TPD52: variants seen among roughly 807,000 people sequenced by gnomAD.
The protein encoded by TPD52 is prostate and colon associated protein.
Under a neutral mutation model 31.3 loss-of-function variants are expected in TPD52, and 17 were observed. The observed-to-expected ratio is 0.54, with a 90% confidence interval of 0.37 to 0.82. TPD52 has a LOEUF of 0.82. Among genes scored for constraint, TPD52 ranks in the 40% least tolerant of loss-of-function variants. The probability of loss-of-function intolerance (pLI) is 0.00; values close to 1 mark genes in which losing one functional copy is unlikely to be tolerated. For synonymous variants in TPD52, 83 were observed against 89.6 expected (o/e 0.93, Z 0.42); for missense variants, 212 against 240.1 (o/e 0.88, Z 0.77).
intron 1 of TPD52, among the ~76,000 whole-genome samples, chr8:80,140,383 A>G (rs943639875): frequency 6.6e-6 from 1 of 152,212 alleles, no homozygotes; most frequent in African/African-American, 2.4e-5. Context: ...TAGAACCGGA[A>G]CCACTGGGAA....
chr8:80,033,986 C>A (rs1455160573), downstream of TPD52, among the ~76,000 whole-genome samples: 1 of 152,060 alleles, frequency 6.6e-6, no homozygotes, highest in Non-Finnish European at 1.5e-5. Flanking sequence ...AGGGACCCAC[C>A]CCTTCCCTCC....
At chr8:80,056,696 A>C (rs1268936669) in intron 2 of TPD52, among the ~76,000 whole-genome samples, 1 of 152,184 alleles carries the variant, frequency 6.6e-6, no homozygotes, top group Non-Finnish European at 1.5e-5. Flanking sequence ...ATTAAAAAAA[A>C]CAGAGATTAA....
At chr8:80,039,450 C>T (rs1440949237) in intron 7 of TPD52, among the ~76,000 whole-genome samples, 13 of 151,914 alleles carry the variant, frequency 8.6e-5, no homozygotes, top group Admixed American at 8.5e-4. Flanking sequence ...CTTCTCACTT[C>T]TAAATAGCTC....
chr8:80,149,495 G>A (rs1810430022), intron 1 of TPD52, among the ~76,000 whole-genome samples: 1 of 152,202 alleles, frequency 6.6e-6, no homozygotes, highest in Non-Finnish European at 1.5e-5. Flanking sequence ...CTGGTATAGT[G>A]AGGTGCTGCT....
At chr8:80,119,137 T>A (rs1808067535) in intron 1 of TPD52, among the ~76,000 whole-genome samples, 1 of 152,166 alleles carries the variant, frequency 6.6e-6, no homozygotes, top group African/African-American at 2.4e-5. Context: ...CCTGAAAACA[T>A]CATGTGACGT....
chr8:80,060,147 A>C (rs186050331), intron 2 of TPD52, among the ~76,000 whole-genome samples: 297 of 149,048 alleles, frequency 2.0e-3, no homozygotes, highest in African/African-American at 6.6e-3. Context: ...GACTGACCGA[A>C]AAAAAAAAAA....
intron 1 of TPD52, among the ~76,000 whole-genome samples, chr8:80,135,597 G>A (rs7840743): frequency 0.4 from 58,416 of 145,244 alleles, 10,918 homozygotes; most frequent in East Asian, 0.75. Flanking sequence ...ATCTAGAACT[G>A]GAAATACCAT....
intron 7 of TPD52, chr8:80,042,109 A>G: frequency 3.3e-6 from 3 of 904,194 alleles, no homozygotes; most frequent in Non-Finnish European, 4.0e-6. Context: ...AAAGTAATAT[A>G]CAAGCAGCCA....
chr8:80,167,611 A>C (rs1811801574), intron 1 of TPD52, among the ~76,000 whole-genome samples: 1 of 152,208 alleles, frequency 6.6e-6, no homozygotes, highest in Admixed American at 6.5e-5. Flanking sequence ...TTGGGAGTAG[A>C]CCCTCAAAAT....
At chr8:80,099,916 A>T (rs1806613058) in intron 1 of TPD52, among the ~76,000 whole-genome samples, 1 of 152,214 alleles carries the variant, frequency 6.6e-6, no homozygotes, top group South Asian at 2.1e-4. Context: ...TTTCTTGGCA[A>T]ATATTTGGTG....
At chr8:80,106,266 CTTAG>C (rs1205704276) in intron 1 of TPD52, among the ~76,000 whole-genome samples, 1 of 152,142 alleles carries the variant, frequency 6.6e-6, no homozygotes, top group Non-Finnish European at 1.5e-5. Context: ...CAATTATATT[CTTAG>C]TTATTTTTAA....
chr8:80,073,617 C>G (rs1038120126), intron 1 of TPD52, among the ~76,000 whole-genome samples: 1 of 152,160 alleles, frequency 6.6e-6, no homozygotes, highest in Non-Finnish European at 1.5e-5. Flanking sequence ...ACAGCAGATG[C>G]GTGTCAACAC....
chr8:80,111,378 C>T (rs1397782125), intron 1 of TPD52, among the ~76,000 whole-genome samples: 1 of 152,174 alleles, frequency 6.6e-6, no homozygotes, highest in Non-Finnish European at 1.5e-5. Flanking sequence ...GGATCTGACA[C>T]TACCTCTAGA....
chr8:80,140,170 T>C (rs1432369539), intron 1 of TPD52, among the ~76,000 whole-genome samples: 1 of 152,214 alleles, frequency 6.6e-6, no homozygotes, highest in African/African-American at 2.4e-5. Flanking sequence ...GAGACCTCAC[T>C]AAGGCCCAAG....
intron 1 of TPD52, among the ~76,000 whole-genome samples, chr8:80,100,593 C>T (rs1340161910): frequency 2.0e-5 from 3 of 152,198 alleles, no homozygotes; most frequent in Non-Finnish European, 2.9e-5. Flanking sequence ...AGTCACCTAG[C>T]TAGCCAAAGT....
At position 80,038,161 on chromosome 8, in the gene TPD52, G is replaced by A. The variant is rs750929692; in HGVS notation, c.579C>T (p.Ala193=). 4 of 1,614,056 alleles carry A rather than the reference G, an allele frequency of 2.5e-6. No individual in the cohort carries two copies. The South Asian group carries it at 3.3e-5, about 13-fold the overall frequency. ...EVLNSAANAS[A]TTTEPLPEKT... is the part of the protein sequence containing the mutation. ...TTTCTGGAAGAGGCTCCGTGGTGGT[G>A]GCACTAGCATTTGCAGCCGAATTCA... Residue 193 remains alanine (A), a synonymous_variant, in exon 8 of 8, where the codon GCC becomes GCT. Transcript: ENST00000518937.
At chr8:80,129,539 T>C (rs1808869026) in intron 1 of TPD52, among the ~76,000 whole-genome samples, 1 of 152,148 alleles carries the variant, frequency 6.6e-6, no homozygotes, top group Non-Finnish European at 1.5e-5. Context: ...TGCTCATCAC[T>C]CTTCTTTGCT....
At chr8:80,032,912 G>A (rs182796067), downstream of TPD52, 1 of 152,480 alleles carries the variant, frequency 6.6e-6, no homozygotes, top group African/African-American at 2.4e-5. Context: ...CTGCCCAGTA[G>A]GCTGTGCTCA....
chr8:80,083,486 T>C (rs1230460205), intron 1 of TPD52, among the ~76,000 whole-genome samples: 1 of 151,794 alleles, frequency 6.6e-6, no homozygotes, highest in Non-Finnish European at 1.5e-5. Flanking sequence ...CTCCTGATAG[T>C]GAATGAGATA....
Sources: gnomAD v4.1 joint callset for allele counts (sites outside exome capture counted in the v4.1 genomes callset) on GRCh38, gnomAD v4.1.1 for gene constraint, MANE v1.5 for transcripts, NCBI Gene and HGNC (gene_info 2026-07-23, HGNC 2026-07-21) for gene names.